PITPNC1: variants seen among roughly 807,000 people sequenced by gnomAD.
PITPNC1 encodes the protein cytoplasmic phosphatidylinositol transfer protein 1.
In PITPNC1, 18 loss-of-function variants were observed where a neutral mutation model predicts 44.7. That is an observed-to-expected ratio of 0.40 (90% CI 0.28 to 0.60). The LOEUF is 0.60. PITPNC1 is among the 20% of genes least tolerant of loss of function. PITPNC1 has a pLI of 0.39. For synonymous variants in PITPNC1, 141 were observed against 149.6 expected (o/e 0.94, Z 0.42); for missense variants, 290 against 418.4 (o/e 0.69, Z 2.68).
chr17:67,621,552 C>T (rs10445359), intron 5 of PITPNC1, among the ~76,000 whole-genome samples: 90,880 of 151,988 alleles, frequency 0.6, 28,720 homozygotes, highest in Non-Finnish European at 0.7. Flanking sequence ...GATTATATGT[C>T]ATATAATATC....
At chr17:67,532,532 A>G (rs4273074) in intron 1 of PITPNC1, among the ~76,000 whole-genome samples, 137,464 of 152,120 alleles carry the variant, frequency 0.9, 62,095 homozygotes, top group Middle Eastern at 0.96. Context: ...AGGTTTGGTC[A>G]GCTGCCAAAG....
intron 1 of PITPNC1, among the ~76,000 whole-genome samples, chr17:67,504,788 C>T (rs967106606): frequency 2.0e-5 from 3 of 152,126 alleles, no homozygotes; most frequent in African/African-American, 7.2e-5. Flanking sequence ...TTAGGTTTGA[C>T]TTGCTTTTTT....
chr17:67,461,698 G>A (rs1012949389), intron 1 of PITPNC1, among the ~76,000 whole-genome samples: 8 of 152,168 alleles, frequency 5.3e-5, no homozygotes, highest in African/African-American at 1.9e-4. Context: ...AGGCCAAGAG[G>A]ATCGCTTGAG....
At chr17:67,634,239 CAATA>C (rs897533800) in intron 6 of PITPNC1, among the ~76,000 whole-genome samples, 22 of 152,250 alleles carry the variant, frequency 1.4e-4, no homozygotes, top group Admixed American at 1.0e-3. Context: ...ATTATTCATC[CAATA>C]AATATTTATG....
chr17:67,644,439 T>C (rs1475153844), intron 6 of PITPNC1, among the ~76,000 whole-genome samples: 5 of 135,430 alleles, frequency 3.7e-5, no homozygotes, highest in East Asian at 2.0e-4. Context: ...TTTTTTTTTT[T>C]TTTTTTTTTT....
chr17:67,516,903 C>A (rs1161383607), intron 1 of PITPNC1, among the ~76,000 whole-genome samples: 4 of 152,172 alleles, frequency 2.6e-5, no homozygotes, highest in Admixed American at 2.6e-4. Context: ...AGCCACCACG[C>A]CCAGCCATGC....
At chr17:67,379,407 C>A (rs139414880) in intron 1 of PITPNC1, 30 of 980,366 alleles carry the variant, frequency 3.1e-5, no homozygotes, top group Non-Finnish European at 3.6e-5. Flanking sequence ...GACCCAAGTA[C>A]AATCCAAGAC....
intron 1 of PITPNC1, among the ~76,000 whole-genome samples, chr17:67,386,542 C>G (rs1033989231): frequency 2.0e-5 from 3 of 152,186 alleles, no homozygotes; most frequent in African/African-American, 7.2e-5. Flanking sequence ...AGAGCTTCCC[C>G]TCTCCTAGGG....
chr17:67,671,589 C>T (rs2042512717), intron 7 of PITPNC1, among the ~76,000 whole-genome samples: 1 of 152,116 alleles, frequency 6.6e-6, no homozygotes. Flanking sequence ...AACTCAGGCT[C>T]ACGGTAATGG....
At chr17:67,399,264 C>T (rs1193272416) in intron 1 of PITPNC1, among the ~76,000 whole-genome samples, 3 of 152,242 alleles carry the variant, frequency 2.0e-5, no homozygotes, top group African/African-American at 4.8e-5. Context: ...CTGCTCACCT[C>T]GGCCTCCCAA....
At chr17:67,505,304 G>A (rs2040086300) in intron 1 of PITPNC1, among the ~76,000 whole-genome samples, 2 of 152,134 alleles carry the variant, frequency 1.3e-5, no homozygotes, top group Non-Finnish European at 2.9e-5. Flanking sequence ...TATTCAAAGT[G>A]GGGCACTAAG....
intron 1 of PITPNC1, among the ~76,000 whole-genome samples, chr17:67,496,913 T>A (rs376793317): frequency 3.6e-4 from 52 of 143,708 alleles, no homozygotes; most frequent in African/African-American, 1.1e-3. Context: ...TACCATAGTT[T>A]AAAAAAAAAA....
intron 4 of PITPNC1, among the ~76,000 whole-genome samples, chr17:67,572,014 C>T (rs1258911113): frequency 6.6e-6 from 1 of 152,192 alleles, no homozygotes; most frequent in African/African-American, 2.4e-5. Flanking sequence ...TCAGTCTTTC[C>T]TTCATATGCT....
At chr17:67,510,582 G>A (rs550247253) in intron 1 of PITPNC1, among the ~76,000 whole-genome samples, 6 of 152,186 alleles carry the variant, frequency 3.9e-5, no homozygotes, top group East Asian at 1.9e-4. Context: ...GATTACAGGC[G>A]TGAGCCACCG....
At chr17:67,606,949 C>G (rs545041559) in intron 5 of PITPNC1, among the ~76,000 whole-genome samples, 5 of 152,260 alleles carry the variant, frequency 3.3e-5, no homozygotes, top group Non-Finnish European at 1.5e-5. Flanking sequence ...GTCGCTTGAC[C>G]TTAAAATGGT....
chr17:67,488,676 T>C (rs986551880), intron 1 of PITPNC1, among the ~76,000 whole-genome samples: 19 of 152,192 alleles, frequency 1.2e-4, no homozygotes, highest in Admixed American at 1.0e-3. Flanking sequence ...ATCACCACTA[T>C]CCATCTGCAG....
chr17:67,624,867 A>ACTAGGT (rs2041877454), intron 5 of PITPNC1, among the ~76,000 whole-genome samples: 1 of 152,320 alleles, frequency 6.6e-6, no homozygotes, highest in South Asian at 2.1e-4. Context: ...ATGTAAGCTT[A>ACTAGGT]CTAGGTCAAA....
At chr17:67,653,959 G>T (rs1317647895) in intron 6 of PITPNC1, among the ~76,000 whole-genome samples, 1 of 152,170 alleles carries the variant, frequency 6.6e-6, no homozygotes, top group Non-Finnish European at 1.5e-5. Context: ...CCATTGGGAG[G>T]TGGCTGCCCA....
At chr17:67,572,254 CA>C (rs912604659) in intron 4 of PITPNC1, among the ~76,000 whole-genome samples, 4 of 151,988 alleles carry the variant, frequency 2.6e-5, no homozygotes, top group African/African-American at 9.7e-5. Flanking sequence ...TCCCTCCACC[CA>C]AGGACATTTA....
Sources: allele counts gnomAD v4.1 joint callset (sites outside exome capture counted in the v4.1 genomes callset), GRCh38; gene constraint gnomAD v4.1.1; transcripts MANE v1.5; gene names NCBI Gene and HGNC (gene_info 2026-07-23, HGNC 2026-07-21).